Variants in TIMP3 observed in about 807,000 individuals in gnomAD.
TIMP3 encodes the protein TIMP metallopeptidase inhibitor 3, also known as metalloproteinase inhibitor 3.
TIMP3 carries 11 observed loss-of-function variants against 30.0 expected under a neutral mutation model. The observed-to-expected ratio is 0.37, with a 90% confidence interval of 0.23 to 0.61. TIMP3 has a LOEUF of 0.61. TIMP3 is among the 20% of genes least tolerant of loss of function. TIMP3 has a pLI of 0.70. For synonymous variants in TIMP3, 112 were observed against 111.3 expected (o/e 1.01, Z -0.04); for missense variants, 181 against 276.8 (o/e 0.65, Z 2.45).
chr22:32,842,847 G>A (rs1316187979), intron 1 of TIMP3, among the ~76,000 whole-genome samples: 1 of 152,162 alleles, frequency 6.6e-6, no homozygotes, highest in African/African-American at 2.4e-5. Flanking sequence ...ACTAATCAGA[G>A]GACATGTGTT....
chr22:32,817,610 AG>A (rs2047121787), intron 1 of TIMP3, among the ~76,000 whole-genome samples: 1 of 152,190 alleles, frequency 6.6e-6, no homozygotes, highest in African/African-American at 2.4e-5. Flanking sequence ...AAAAGGAGGA[AG>A]GGAAGGCTGA....
intron 1 of TIMP3, among the ~76,000 whole-genome samples, chr22:32,836,617 C>T (rs1222826679): frequency 6.6e-6 from 1 of 152,134 alleles, no homozygotes; most frequent in South Asian, 2.1e-4. Flanking sequence ...TGTATGGGCT[C>T]GTTTTTCTCG....
At chr22:32,806,899 A>G (rs1334437265) in intron 1 of TIMP3, among the ~76,000 whole-genome samples, 1 of 148,714 alleles carries the variant, frequency 6.7e-6, no homozygotes, top group Non-Finnish European at 1.5e-5. Flanking sequence ...ATTTACATAC[A>G]TAGGTATCCA....
chr22:32,857,072 T>C (rs1006665259), intron 2 of TIMP3, among the ~76,000 whole-genome samples, 177 bp from the exon 3 acceptor site: 2 of 152,220 alleles, frequency 1.3e-5, no homozygotes, highest in African/African-American at 4.8e-5. Flanking sequence ...GATGGGCACT[T>C]AGGTTGATTT....
At chr22:32,804,599 G>A (rs1325286575) in intron 1 of TIMP3, among the ~76,000 whole-genome samples, 1 of 152,196 alleles carries the variant, frequency 6.6e-6, no homozygotes, top group Non-Finnish European at 1.5e-5. Context: ...CTCTCCGGGG[G>A]GCTGCCCGAT....
rs1468789308 is a variant in TIMP3 at position 32,802,112 on chromosome 22, C to T, written c.111C>T (p.Asn37=). 6.3e-7 allele frequency: 1 copy of T among 1,583,184 alleles called. No individual in the cohort carries two copies. Among genetic ancestry groups the T allele is most frequent in the Non-Finnish European group, 8.5e-7 (1 of 1,170,282 alleles). The change falls in exon 1 of 5, where the codon AAC becomes AAT. Residue 37 remains asparagine (N), a synonymous_variant. Transcript: ENST00000266085. Reference sequence around the variant, plus strand: ...GCCACCCCCAGGACGCCTTCTGCAACTCCGACATCGGTAAGCGCTCCTGGT... The same window carrying T: ...GCCACCCCCAGGACGCCTTCTGCAATTCCGACATCGGTAAGCGCTCCTGGT... ...SPSHPQDAFC[N]SDIVIRAKVV...
At chr22:32,802,512 A>T (rs370960213) in intron 1 of TIMP3, among the ~76,000 whole-genome samples, 1,392 of 130,530 alleles carry the variant, frequency 0.011, 26 homozygotes, top group African/African-American at 0.038. Flanking sequence ...TTGAATAGTT[A>T]AAAAAAAAAA....
At chr22:32,843,681 A>G (rs2047979770) in intron 1 of TIMP3, among the ~76,000 whole-genome samples, 1 of 152,028 alleles carries the variant, frequency 6.6e-6, no homozygotes, top group South Asian at 2.1e-4. Flanking sequence ...TTTTCCTCCA[A>G]GTCTAGGCCG....
intron 1 of TIMP3, among the ~76,000 whole-genome samples, chr22:32,822,047 C>T (rs567750509): frequency 1.9e-4 from 28 of 150,212 alleles, no homozygotes; most frequent in African/African-American, 6.6e-4. Flanking sequence ...CCCAGCTACT[C>T]GGGAGGCTGA....
chr22:32,848,197 A>G (rs765971972), intron 1 of TIMP3, among the ~76,000 whole-genome samples: 13 of 152,224 alleles, frequency 8.5e-5, no homozygotes, highest in African/African-American at 1.4e-4. Context: ...TTCCCAGTGC[A>G]TGTGGTAAAT....
Position 32,858,273 on chromosome 22 carries a change from G to A in TIMP3, c.438+135G>A, listed in dbSNP as rs1323965166. On this transcript the variant is annotated intron_variant, in intron 4 of 4. Coordinates refer to ENST00000266085, the MANE Select transcript of TIMP3 (RefSeq NM_000362.5). ...TGTGTTAGGCCAGGGCAGAGGGGCA[G>A]GTCTGAGCAGATATAGTAAGGATTG... 7.9e-6 allele frequency: 10 copies of A among 1,266,776 alleles called. No individual in the cohort carries two copies. The Admixed American group carries it at 9.4e-5, about 12-fold the overall frequency. 78.5% of individuals were successfully genotyped at this position (1,266,776 alleles called of 1,614,324 possible). A position where few individuals can be genotyped will look rare whatever the true frequency, so the allele number is the denominator to read the frequency against.
chr22:32,811,219 A>G (rs554708684), intron 1 of TIMP3, among the ~76,000 whole-genome samples: 1 of 152,284 alleles, frequency 6.6e-6, no homozygotes, highest in East Asian at 1.9e-4. Context: ...ATCAAAGATA[A>G]GCAGACTGAG....
At chr22:32,848,980 T>A (rs1258498129) in intron 1 of TIMP3, among the ~76,000 whole-genome samples, 1 of 152,052 alleles carries the variant, frequency 6.6e-6, no homozygotes, top group African/African-American at 2.4e-5. Flanking sequence ...CCTGTAGACA[T>A]GTCAAGATGT....
At chr22:32,825,656 TCAAAAAAA>T in intron 1 of TIMP3, among the ~76,000 whole-genome samples, 1 of 56,988 alleles carries the variant, frequency 1.8e-5, no homozygotes, top group African/African-American at 7.0e-5. Flanking sequence ...AGTTTCCATC[TCAAAAAAA>T]AAAAAAAAAA....
At chr22:32,849,301 A>G (rs2048153326) in intron 1 of TIMP3, 151 bp from the exon 2 acceptor site, 1 of 681,618 alleles carries the variant, frequency 1.5e-6, no homozygotes, top group South Asian at 1.8e-5. Context: ...GGGAATTCCC[A>G]CTCTTGTAAA....
At chr22:32,844,580 GC>G (rs1280457858) in intron 1 of TIMP3, among the ~76,000 whole-genome samples, 1 of 152,142 alleles carries the variant, frequency 6.6e-6, no homozygotes, top group Non-Finnish European at 1.5e-5. Flanking sequence ...ATTCAAGAGG[GC>G]CCCATATATA....
At chr22:32,811,755 T>C (rs2046922374) in intron 1 of TIMP3, among the ~76,000 whole-genome samples, 1 of 152,184 alleles carries the variant, frequency 6.6e-6, no homozygotes, top group South Asian at 2.1e-4. Context: ...GTTCTGTGGC[T>C]TAGCCATATA....
intron 1 of TIMP3, among the ~76,000 whole-genome samples, chr22:32,814,333 AAGAAAGAGAAAGAAAGAG>A: frequency 6.7e-6 from 1 of 148,284 alleles, no homozygotes; most frequent in Non-Finnish European, 1.5e-5. Context: ...GAAAGAAAGA[AAGAAAGAGAAAGAAAGAG>A]AGAAAGAAAG....
intron 1 of TIMP3, among the ~76,000 whole-genome samples, chr22:32,813,397 A>C (rs1312604998): frequency 6.6e-6 from 1 of 151,864 alleles, no homozygotes; most frequent in Non-Finnish European, 1.5e-5. Flanking sequence ...GCTCCAGCCT[A>C]TCAGGATGTG....
Sources: gnomAD v4.1 joint callset for allele counts (sites outside exome capture counted in the v4.1 genomes callset) on GRCh38, gnomAD v4.1.1 for gene constraint, MANE v1.5 for transcripts, NCBI Gene and HGNC (gene_info 2026-07-23, HGNC 2026-07-21) for gene names.